Variants in NTRK3 observed in about 807,000 individuals in gnomAD.
The protein encoded by NTRK3 is NT-3 growth factor receptor.
In NTRK3, 24 loss-of-function variants were observed where a neutral mutation model predicts 91.7. The observed-to-expected ratio is 0.26, with a 90% CI of 0.19 to 0.37. The LOEUF (loss-of-function observed/expected upper bound fraction) is 0.37, where lower values mean the gene tolerates loss of function less well. Ranked by LOEUF, NTRK3 falls within the 10% of genes least tolerant of loss-of-function variation. NTRK3 has a pLI of 1.00. For synonymous variants in NTRK3, 483 were observed against 404.0 expected (o/e 1.20, Z -2.34); for missense variants, 880 against 1,068.9 (o/e 0.82, Z 2.46).
chr15:87,981,697 T>C (rs1425211177), intron 14 of NTRK3, among the ~76,000 whole-genome samples: 2 of 152,198 alleles, frequency 1.3e-5, no homozygotes, highest in Non-Finnish European at 2.9e-5. Flanking sequence ...ATGGTGCCCA[T>C]CATTGCCATT....
intron 13 of NTRK3, among the ~76,000 whole-genome samples, chr15:88,059,171 C>T (rs886490890): frequency 3.9e-5 from 6 of 152,096 alleles, no homozygotes; most frequent in African/African-American, 1.2e-4. Flanking sequence ...GGGGCTTGTG[C>T]CACTCCAAGA....
intron 5 of NTRK3, among the ~76,000 whole-genome samples, chr15:88,168,056 C>CG (rs1224207380): frequency 6.6e-6 from 1 of 152,146 alleles, no homozygotes; most frequent in African/African-American, 2.4e-5. Flanking sequence ...CGCAGCTGGT[C>CG]AGCAAACAAG....
chr15:88,011,975 G>A (rs980171195), intron 14 of NTRK3, among the ~76,000 whole-genome samples: 4 of 152,146 alleles, frequency 2.6e-5, no homozygotes, highest in African/African-American at 9.7e-5. Context: ...AAGACCCAGT[G>A]AGGCAGATCC....
At chr15:88,133,354 C>A (rs1279198748) in intron 10 of NTRK3, among the ~76,000 whole-genome samples, 1 of 152,140 alleles carries the variant, frequency 6.6e-6, no homozygotes, top group African/African-American at 2.4e-5. Context: ...ACCACATCAT[C>A]CAACTGCTGC....
intron 17 of NTRK3, among the ~76,000 whole-genome samples, chr15:87,895,682 G>A (rs1185475611): frequency 1.3e-5 from 2 of 151,968 alleles, no homozygotes; most frequent in African/African-American, 4.8e-5. Flanking sequence ...ACCCTTTTAG[G>A]TCTGATAAGA....
At chr15:88,165,890 T>A (rs2044889054) in intron 5 of NTRK3, among the ~76,000 whole-genome samples, 1 of 152,192 alleles carries the variant, frequency 6.6e-6, no homozygotes, top group Non-Finnish European at 1.5e-5. Context: ...CACATGCGCA[T>A]GAGCAAGAAG....
intron 13 of NTRK3, among the ~76,000 whole-genome samples, chr15:88,088,871 G>C (rs2048748961): frequency 6.6e-6 from 1 of 152,150 alleles, no homozygotes; most frequent in South Asian, 2.1e-4. Context: ...ACCCTGGGTA[G>C]GCTGCTTAAC....
rs371589434 is a variant in NTRK3, at chr15:87,897,065, C to T, written c.2134-16637G>A. 5.9e-4 allele frequency among the ~76,000 whole-genome samples: 89 copies of T among 152,128 alleles called. 1 individual carries two copies. Among genetic ancestry groups the T allele is most frequent in the Non-Finnish European group, 1.8e-4 (12 of 68,038 alleles). On this transcript the variant is annotated intron_variant, in intron 17 of 18. Coordinates refer to ENST00000394480, the Ensembl canonical transcript of NTRK3. ...TCCATTTAGCAGAATCTCAGTGGAA[C>T]GGCTGTCTCAGTCTGAGCCTCTAGC...
chr15:88,209,408 A>C (rs1325360264), intron 3 of NTRK3, among the ~76,000 whole-genome samples: 1 of 152,222 alleles, frequency 6.6e-6, no homozygotes, highest in Admixed American at 6.5e-5. Context: ...TATTTGGAAG[A>C]CCACATGGGA....
chr15:88,187,262 G>T (rs761685748), intron 3 of NTRK3, among the ~76,000 whole-genome samples: 3 of 152,200 alleles, frequency 2.0e-5, no homozygotes, highest in Non-Finnish European at 2.9e-5. Flanking sequence ...AACTGTTCCA[G>T]CAGGAGTTTA....
chr15:88,045,815 G>A (rs987046743), intron 13 of NTRK3, among the ~76,000 whole-genome samples: 11 of 152,176 alleles, frequency 7.2e-5, no homozygotes, highest in African/African-American at 2.4e-4. Context: ...CTCATCGCAT[G>A]GCATCTTCCT....
At chr15:87,920,440 C>T (rs530610947) in intron 17 of NTRK3, among the ~76,000 whole-genome samples, 3 of 152,272 alleles carry the variant, frequency 2.0e-5, no homozygotes, top group Middle Eastern at 3.4e-3. Context: ...TCTGTGGCCA[C>T]GTCTCCTGAT....
chr15:87,918,340 C>T (rs2067608952), intron 17 of NTRK3, among the ~76,000 whole-genome samples: 1 of 152,194 alleles, frequency 6.6e-6, no homozygotes, highest in African/African-American at 2.4e-5. Context: ...AAATAGTTGG[C>T]CTTTCAAAAG....
At chr15:88,160,608 C>T (rs2044359849) in intron 5 of NTRK3, among the ~76,000 whole-genome samples, 1 of 152,170 alleles carries the variant, frequency 6.6e-6, no homozygotes, top group South Asian at 2.1e-4. Flanking sequence ...TCCAGGAGGA[C>T]ATGTGAGCAC....
At chr15:87,902,464 A>T (rs553175784) in intron 17 of NTRK3, among the ~76,000 whole-genome samples, 6 of 152,314 alleles carry the variant, frequency 3.9e-5, no homozygotes, top group African/African-American at 1.4e-4. Flanking sequence ...TCCCGTTAAC[A>T]TCTCTTTCTC....
rs200989111 is a variant in NTRK3, at chr15:88,151,580, C to A, written c.396-4177G>T. The stretch of plus-strand genomic sequence containing the variant: ...GGATTTCATCTTCTACCCTGGGAAA[C>A]CTACTGTTACAAAAGGGTCAATAAG... On this transcript the variant is annotated intron_variant, in intron 5 of 18. Transcript: ENST00000394480. 5.3e-5 allele frequency among the ~76,000 whole-genome samples: 8 copies of A among 152,154 alleles called. No individual in the cohort carries two copies. In the East Asian group the frequency reaches 7.7e-4, roughly 15 times the overall value.
intron 18 of NTRK3, among the ~76,000 whole-genome samples, chr15:87,879,647 T>A (rs2065135677): frequency 6.6e-6 from 1 of 152,246 alleles, no homozygotes; most frequent in African/African-American, 2.4e-5. Context: ...AAATGTCAGC[T>A]ACTATTAATT....
intron 13 of NTRK3, among the ~76,000 whole-genome samples, chr15:88,070,674 T>C (rs1363844596): frequency 6.6e-6 from 1 of 151,970 alleles, no homozygotes; most frequent in Non-Finnish European, 1.5e-5. Context: ...CCCAGCCCAG[T>C]GAAACTCAAG....
intron 17 of NTRK3, among the ~76,000 whole-genome samples, chr15:87,900,690 G>GGTGT (rs61498493): frequency 0.58 from 80,395 of 138,140 alleles, 24,907 homozygotes; most frequent in Non-Finnish European, 0.72. Context: ...CTTTACAGAG[G>GGTGT]GTGTGTGTGT....
Sources: gnomAD v4.1 joint callset for allele counts (sites outside exome capture counted in the v4.1 genomes callset) on GRCh38, gnomAD v4.1.1 for gene constraint, MANE v1.5 for transcripts, NCBI Gene and HGNC (gene_info 2026-07-23, HGNC 2026-07-21) for gene names.